The following SPATA31H1 variants were observed in gnomAD, a reference collection of about 807,000 sequenced individuals.
The protein encoded by SPATA31H1 is spermatogenesis-associated protein 31H1.
chr2:27,545,720 G>A, the SPATA31H1 span, among the ~76,000 whole-genome samples: 1 of 151,666 alleles, frequency 6.6e-6, no homozygotes, highest in Non-Finnish European at 1.5e-5. Context: ...GACCACAGGT[G>A]TGCGCCACCA....
At chr2:27,576,191 G>A in the SPATA31H1 span, 1 of 404,248 alleles carries the variant, frequency 2.5e-6, no homozygotes, top group South Asian at 1.2e-4. Flanking sequence ...TTCAAGTTAT[G>A]AAATTTTCTG....
At chr2:27,582,430 G>C in the SPATA31H1 span, 1 of 1,614,212 alleles carries the variant, frequency 6.2e-7, no homozygotes, top group Non-Finnish European at 8.5e-7. Flanking sequence ...CCCAGCCATA[G>C]TTTGTCTAGA....
At chr2:27,563,600 C>T in the SPATA31H1 span, among the ~76,000 whole-genome samples, 4 of 151,068 alleles carry the variant, frequency 2.6e-5, no homozygotes, top group African/African-American at 7.3e-5. Context: ...TGCTCTGTCA[C>T]CCAGCCTGGA....
the SPATA31H1 span, chr2:27,567,970 G>C: frequency 2.5e-6 from 1 of 398,868 alleles, no homozygotes; most frequent in Admixed American, 4.4e-5. Flanking sequence ...GAAACAGTGA[G>C]CATAACCCCC....
chr2:27,550,411 ATTTT>A, the SPATA31H1 span, among the ~76,000 whole-genome samples: 2 of 94,536 alleles, frequency 2.1e-5, no homozygotes, highest in African/African-American at 9.1e-5. Context: ...TGGGTGTTAA[ATTTT>A]TTTTTTTTTT....
the SPATA31H1 span, chr2:27,580,326 G>C: frequency 2.5e-6 from 4 of 1,613,982 alleles, no homozygotes; most frequent in African/African-American, 4.0e-5. Context: ...TAGAGCACCT[G>C]GGCACTATGA....
the SPATA31H1 span, chr2:27,582,426 C>T: frequency 6.2e-7 from 1 of 1,614,220 alleles, no homozygotes; most frequent in Non-Finnish European, 8.5e-7. Flanking sequence ...GAGGCCCAGC[C>T]ATAGTTTGTC....
chr2:27,579,408 G>A, the SPATA31H1 span: 2 of 1,614,022 alleles, frequency 1.2e-6, no homozygotes, highest in African/African-American at 2.7e-5. Context: ...GCCAGAGAAG[G>A]GTCCAGTTAC....
the SPATA31H1 span, among the ~76,000 whole-genome samples, chr2:27,545,676 G>T: frequency 2.7e-5 from 4 of 150,716 alleles, no homozygotes; most frequent in South Asian, 8.3e-4. Flanking sequence ...CTGAGATCAA[G>T]TGATTCTCCT....
chr2:27,578,919 G>T, the SPATA31H1 span: 2 of 1,614,118 alleles, frequency 1.2e-6, no homozygotes, highest in Non-Finnish European at 8.5e-7. Flanking sequence ...GACCTATATA[G>T]ACCCTACTAT....
At chr2:27,555,119 T>C in the SPATA31H1 span, among the ~76,000 whole-genome samples, 1 of 152,182 alleles carries the variant, frequency 6.6e-6, no homozygotes, top group African/African-American at 2.4e-5. Flanking sequence ...TTATGTCAAA[T>C]GCTTTTTTCT....
At chr2:27,550,358 A>G in the SPATA31H1 span, among the ~76,000 whole-genome samples, 6 of 146,652 alleles carry the variant, frequency 4.1e-5, no homozygotes, top group African/African-American at 1.5e-4. Flanking sequence ...CAAATTAAGG[A>G]GGTTCCCTTT....
the SPATA31H1 span, chr2:27,574,325 G>A: frequency 1.3e-5 from 5 of 398,342 alleles, no homozygotes; most frequent in Non-Finnish European, 2.2e-5. Context: ...TGATTCCAGG[G>A]GGAAAGCTTC....
chr2:27,577,065 C>G, the SPATA31H1 span: 2 of 1,614,104 alleles, frequency 1.2e-6, no homozygotes, highest in South Asian at 2.2e-5. This position sits in a 1 kb window ranked among gnomAD's most constrained non-coding sequence, Gnocchi z 4.5. Context: ...AGAAATGGCA[C>G]AAGGATTGGC....
At chr2:27,580,328 GCA>G in the SPATA31H1 span, 1 of 1,614,138 alleles carries the variant, frequency 6.2e-7, no homozygotes, top group South Asian at 1.1e-5. Context: ...GAGCACCTGG[GCA>G]CTATGAATTC....
At chr2:27,577,549 G>T in the SPATA31H1 span, 1 of 1,614,124 alleles carries the variant, frequency 6.2e-7, no homozygotes, top group Non-Finnish European at 8.5e-7. This position sits in a 1 kb window ranked among gnomAD's most constrained non-coding sequence, Gnocchi z 4.5. Flanking sequence ...TCTGAGAAAA[G>T]ACTGCAAGGG....
the SPATA31H1 span, among the ~76,000 whole-genome samples, chr2:27,540,302 GC>G: frequency 7.7e-5 from 9 of 116,946 alleles, no homozygotes; most frequent in Non-Finnish European, 1.3e-4. Flanking sequence ...GGACGGGGCG[GC>G]TGGCCGGGCA....
the SPATA31H1 span, among the ~76,000 whole-genome samples, chr2:27,553,388 T>C: frequency 6.6e-6 from 1 of 152,190 alleles, no homozygotes; most frequent in African/African-American, 2.4e-5. Flanking sequence ...GTTTTCCTGC[T>C]GTGGTGGCTG....
At chr2:27,542,583 G>A in the SPATA31H1 span, among the ~76,000 whole-genome samples, 1 of 132,320 alleles carries the variant, frequency 7.6e-6, no homozygotes, top group Non-Finnish European at 1.5e-5. Flanking sequence ...ATAGGATAGC[G>A]CCAGCCTAGA....
Sources: allele counts gnomAD v4.1 joint callset (sites outside exome capture counted in the v4.1 genomes callset), GRCh38; gene constraint gnomAD v4.1.1; non-coding constraint Gnocchi (gnomAD v3.1); transcripts MANE v1.5; gene names NCBI Gene and HGNC (gene_info 2026-07-23, HGNC 2026-07-21).